SHOX: variants seen among roughly 807,000 people sequenced by gnomAD.
SHOX encodes SHOX homeobox, also known as short stature homeobox protein.
Under a neutral mutation model 29.6 loss-of-function variants are expected in SHOX, and 12 were observed. That is an observed-to-expected ratio of 0.41 (90% CI 0.26 to 0.66). The LOEUF (loss-of-function observed/expected upper bound fraction) is 0.66. Among genes scored for constraint, SHOX ranks in the 30% least tolerant of loss-of-function variants. SHOX has a pLI of 0.35. For synonymous variants in SHOX, 214 were observed against 200.6 expected (o/e 1.07, Z -0.57); for missense variants, 499 against 437.7 (o/e 1.14, Z -1.25).
intron 5 of SHOX, among the ~76,000 whole-genome samples, chrX:658,513 C>G (rs1377926127): frequency 6.6e-6 from 1 of 150,662 alleles, no homozygotes; most frequent in Non-Finnish European, 1.5e-5. Context: ...CTCTGTCACC[C>G]AGGCTGGAGT....
rs2052717457 is a variant in SHOX, at chrX:634,901, C to T, written c.486+75C>T. 4 of 1,445,356 alleles carry T rather than the reference C, an allele frequency of 2.8e-6. No individual in the cohort carries two copies. The South Asian group carries it at 5.2e-5, about 19-fold the overall frequency. The allele number at this position is 1,445,356 out of a possible 1,614,324, so 89.5% of individuals were successfully genotyped here. A position where few individuals can be genotyped will look rare whatever the true frequency, so the allele number is the denominator to read the frequency against. ...TCGGGAGCGCACAGCACGCGTACAG[C>T]CACCTGCGCCCGGGCCGCCGCCGTC... is the stretch of plus-strand genomic sequence containing the variant. On this transcript the variant is annotated intron_variant, in intron 2 of 4. Transcript: ENST00000686671.
rs865820268 is a variant in SHOX, at chrX:648,946, T to A, written c.*4310T>A. On this transcript the variant is annotated 3_prime_UTR_variant, in exon 5 of 5. Transcript: ENST00000686671. ...TCTTTCTTTCTCTCTTTCTTTCTTT[T>A]CTTTCTTTCTGTTTCTTTCCTTTTT... 1.4e-5 allele frequency among the ~76,000 whole-genome samples: 2 copies of A among 141,886 alleles called. No individual in the cohort carries two copies. Among genetic ancestry groups the A allele is most frequent in the African/African-American group, 6.2e-5 (2 of 32,436 alleles). 93.1% of individuals were successfully genotyped at this position (141,886 alleles called of 152,430 possible). A position where few individuals can be genotyped will look rare whatever the true frequency, so the allele number is the denominator to read the frequency against.
At chrX:654,055 G>C (rs1198466810), downstream of SHOX, among the ~76,000 whole-genome samples, 1 of 152,032 alleles carries the variant, frequency 6.6e-6, no homozygotes, top group Non-Finnish European at 1.5e-5. Context: ...TCTTTTGTTT[G>C]AACTCACAGA....
chrX:626,697 TTC>T (rs2052544523), upstream of SHOX, among the ~76,000 whole-genome samples: 1 of 144,262 alleles, frequency 6.9e-6, no homozygotes, highest in African/African-American at 2.7e-5. Flanking sequence ...CTGTCTCTCT[TTC>T]TCTCTCTCAT....
intron 5 of SHOX, among the ~76,000 whole-genome samples, chrX:657,180 A>G (rs1013089990): frequency 6.6e-6 from 1 of 152,204 alleles, no homozygotes; most frequent in Non-Finnish European, 1.5e-5. Flanking sequence ...TCCACAACCA[A>G]GAAAGCAATT....
Position 641,031 on chromosome X carries a change from G to C in SHOX, c.577G>C (p.Ala193Pro). 6.2e-6 allele frequency: 10 copies of C among 1,613,822 alleles called. 1 individual carries two copies. The Middle Eastern group carries it at 1.7e-3, about 268-fold the overall frequency. ...VILGTANHLDACRVAPYVNMG... is the reference protein window; with the variant it reads ...VILGTANHLDPCRVAPYVNMG... ...CTTGGGCACAGCCAACCACCTAGAC[G>C]CCTGCCGAGTGGCACCCTACGTCAA... Residue 193 changes from alanine (A) to proline (P), a missense_variant, in exon 4 of 5, where the codon GCC (alanine) becomes CCC (proline). By Grantham distance (27) the Ala-to-Pro change is conservative. Transcript: ENST00000686671.
Position 649,011 on chromosome X carries a change from C to G in SHOX, c.*4375C>G, listed in dbSNP as rs1366782739. 9.0e-6 allele frequency among the ~76,000 whole-genome samples: 1 copy of G among 111,276 alleles called. No homozygotes were observed. The highest frequency in any genetic ancestry group is 2.6e-4 in the South Asian group (1 of 3,790). The allele number at this position is 111,276 out of a possible 152,430, so 73.0% of individuals were successfully genotyped here. A position where few individuals can be genotyped will look rare whatever the true frequency, so the allele number is the denominator to read the frequency against. On this transcript the variant is annotated 3_prime_UTR_variant, in exon 5 of 5. Transcript: ENST00000686671. ...TTCTTTCTCTTTTCCTTTTTTGTTT[C>G]TTTCTTTCTTTTTCTTTCTTTCTTT... is the stretch of plus-strand genomic sequence containing the variant.
downstream of SHOX, among the ~76,000 whole-genome samples, chrX:651,929 T>TA (rs2053071561): frequency 6.6e-6 from 1 of 152,054 alleles, no homozygotes; most frequent in East Asian, 1.9e-4. Context: ...TTAATTTATT[T>TA]TTTTTTTTGA....
rs180703675 is a variant in SHOX, at chrX:650,190, C to T, written c.*5554C>T. On this transcript the variant is annotated 3_prime_UTR_variant, in exon 5 of 5. Coordinates refer to ENST00000686671, the MANE Select transcript of SHOX (RefSeq NM_000451.4). ...ATGGGACAGATTCTGTGCCTCTGTACGATTTAGAGCGTAACTGACCGCGTC... is the reference window on the plus strand; with the variant it reads ...ATGGGACAGATTCTGTGCCTCTGTATGATTTAGAGCGTAACTGACCGCGTC... 1.3e-3 allele frequency among the ~76,000 whole-genome samples: 202 copies of T among 152,320 alleles called. 2 individuals carry two copies. The Middle Eastern group carries it at 0.024, about 18-fold the overall frequency.
intron 2 of SHOX, 25 bp downstream of exon 2, chrX:634,851 G>C (rs1423466667): frequency 9.1e-6 from 14 of 1,546,854 alleles, no homozygotes; most frequent in African/African-American, 2.7e-5. Flanking sequence ...GCGGGGGCGG[G>C]GGGCCCGGAG....
chrX:634,594 C>G (rs761587425), intron 1 of SHOX, 24 bp from the exon 2 acceptor site: 2 of 1,611,582 alleles, frequency 1.2e-6, no homozygotes, highest in African/African-American at 1.3e-5. Flanking sequence ...GGCCTCAGCC[C>G]TGTGCCCTCC....
intron 2 of SHOX, among the ~76,000 whole-genome samples, chrX:637,985 T>A (rs894133826): frequency 1.8e-4 from 27 of 152,312 alleles, no homozygotes; most frequent in African/African-American, 6.3e-4. Context: ...CAGGCGGTAA[T>A]TTAATTACAA....
chrX:655,038 G>A (rs186918298), downstream of SHOX, among the ~76,000 whole-genome samples: 1,257 of 151,864 alleles, frequency 8.3e-3, 5 homozygotes, highest in Non-Finnish European at 0.013. Context: ...AGCCATGATT[G>A]CACCACTGCA....
rs987782568 is a variant in SHOX, at chrX:640,887, CGGGACTGGG to C, written c.544+15_544+23del. 3 of 1,613,694 alleles carry C rather than the reference CGGGACTGGG, an allele frequency of 1.9e-6. No homozygotes were observed. The highest frequency in any genetic ancestry group is 2.5e-6 in the Non-Finnish European group (3 of 1,179,860). ...GAATCAGATGCATAAAGGTGGGTGT[CGGGACTGGG>C]GGGACCTGAAGCTGGGGGATCCTGC... On this transcript the variant is annotated intron_variant, in intron 3 of 4. Transcript: ENST00000686671.
At chrX:635,543 A>G (rs1447072934) in intron 2 of SHOX, among the ~76,000 whole-genome samples, 1 of 152,112 alleles carries the variant, frequency 6.6e-6, no homozygotes, top group Non-Finnish European at 1.5e-5. Context: ...GCGCAGGAGC[A>G]CGTTGGGCAT....
upstream of SHOX, among the ~76,000 whole-genome samples, chrX:627,111 C>A (rs939887726): frequency 1.3e-5 from 2 of 152,038 alleles, no homozygotes; most frequent in African/African-American, 4.8e-5. Flanking sequence ...ATCAGTAAAA[C>A]CTCCAACAAG....
intron 4 of SHOX, among the ~76,000 whole-genome samples, chrX:642,068 G>A (rs1222095389): frequency 1.3e-5 from 2 of 152,196 alleles, no homozygotes; most frequent in Admixed American, 1.3e-4. Flanking sequence ...GGGTTCGGTC[G>A]CGGAGCCCAA....
intron 2 of SHOX, 64 bp downstream of exon 2, chrX:634,890 C>A: frequency 6.6e-7 from 1 of 1,504,874 alleles, no homozygotes; most frequent in Non-Finnish European, 9.0e-7. Flanking sequence ...GAGCGCACAG[C>A]ACGCGTACAG....
chrX:648,943 TTTTC>T lies in SHOX; in HGVS notation c.*4317_*4320del, dbSNP rs1374977485. Among the ~76,000 whole-genome samples, 11 of 70,308 alleles carry T rather than the reference TTTTC, an allele frequency of 1.6e-4. No individual in the cohort carries two copies. Among genetic ancestry groups the T allele is most frequent in the African/African-American group, 4.1e-4 (9 of 21,944 alleles). 46.1% of individuals were successfully genotyped at this position (70,308 alleles called of 152,430 possible). ...TTTTCTTTCTTTCTCTCTTTCTTTC[TTTTC>T]TTTCTTTCTGTTTCTTTCCTTTTTA... On this transcript the variant is annotated 3_prime_UTR_variant, in exon 5 of 5. Coordinates refer to ENST00000686671, the MANE Select transcript of SHOX (RefSeq NM_000451.4).
Sources: gnomAD v4.1 joint callset for allele counts (sites outside exome capture counted in the v4.1 genomes callset) on GRCh38, gnomAD v4.1.1 for gene constraint, MANE v1.5 for transcripts, NCBI Gene and HGNC (gene_info 2026-07-23, HGNC 2026-07-21) for gene names.